TENT5D: variants seen among roughly 807,000 people sequenced by gnomAD.
The protein encoded by TENT5D is cancer/testis antigen 112.
For missense variants in TENT5D, 191 were observed against 287.0 expected (o/e 0.67, Z 2.42); for synonymous variants, 103 against 100.6 (o/e 1.02, Z -0.15).
chrX:80,392,381 CT>C (rs1313905777), intron 3 of TENT5D, among the ~76,000 whole-genome samples: 1 of 108,951 alleles, frequency 9.2e-6, no homozygotes, highest in Admixed American at 9.8e-5. Context: ...AAACGTTATG[CT>C]TTTCCACAAA....
chrX:80,344,451 C>A (rs1359336441), intron 3 of TENT5D, among the ~76,000 whole-genome samples: 3 of 110,407 alleles, frequency 2.7e-5, no homozygotes, highest in Non-Finnish European at 5.7e-5. Context: ...TCTGCAAACT[C>A]ACCAACATCT....
chrX:80,396,893 G>T (rs867346178), intron 3 of TENT5D, among the ~76,000 whole-genome samples: 4 of 75,561 alleles, frequency 5.3e-5, no homozygotes, highest in African/African-American at 9.6e-5. Flanking sequence ...GTGGCTGGCC[G>T]GGCGGGGGGC....
chrX:80,425,088 T>G (rs1931964770), intron 1 of TENT5D, among the ~76,000 whole-genome samples: 1 of 112,675 alleles, frequency 8.9e-6, no homozygotes, highest in South Asian at 3.6e-4. Flanking sequence ...GGGAAACACA[T>G]CCTTTTAGTT....
At chrX:80,404,036 G>A (rs1208271845) in intron 3 of TENT5D, among the ~76,000 whole-genome samples, 3 of 111,593 alleles carry the variant, frequency 2.7e-5, no homozygotes, top group Non-Finnish European at 5.6e-5. Flanking sequence ...AAATAGGTAA[G>A]AGACAGAAAG....
rs74777417 is a variant in TENT5D, at chrX:80,362,246, C to G, written c.-142+19682C>G. On this transcript the variant is annotated intron_variant, in intron 3 of 4. Transcript: ENST00000538312. ...TGGTGCCATCTCAGCCCACTCCAAG[C>G]TCCGCTTCCTGGGTTCACACCATTC... 0.011 allele frequency among the ~76,000 whole-genome samples: 1,195 copies of G among 111,058 alleles called. 30 individuals carry two copies. The East Asian group carries it at 0.13, about 12-fold the overall frequency.
chrX:80,355,323 C>T (rs1930261909), intron 3 of TENT5D, among the ~76,000 whole-genome samples: 1 of 111,820 alleles, frequency 8.9e-6, no homozygotes, highest in Non-Finnish European at 1.9e-5. Flanking sequence ...CAGGCAGAGG[C>T]TCTGGGAGAG....
intron 1 of TENT5D, among the ~76,000 whole-genome samples, chrX:80,437,362 A>G (rs763263942): frequency 4.5e-5 from 5 of 111,882 alleles, no homozygotes; most frequent in Non-Finnish European, 9.4e-5. Flanking sequence ...TGAATGAGTA[A>G]AATACCAATG....
intron 3 of TENT5D, among the ~76,000 whole-genome samples, chrX:80,396,681 A>T: frequency 9.4e-6 from 1 of 106,014 alleles, no homozygotes; most frequent in Non-Finnish European, 1.9e-5. Flanking sequence ...CTCTTTCTAC[A>T]CAGACACGGC....
At chrX:80,397,916 G>A (rs1032324816) in intron 3 of TENT5D, among the ~76,000 whole-genome samples, 11 of 111,483 alleles carry the variant, frequency 9.9e-5, no homozygotes, top group African/African-American at 2.6e-4. Context: ...GAGGGAGACC[G>A]TGGAAAGAGA....
chrX:80,344,533 T>A (rs1930024356), intron 3 of TENT5D, among the ~76,000 whole-genome samples: 2 of 110,752 alleles, frequency 1.8e-5, no homozygotes, highest in South Asian at 7.8e-4. Flanking sequence ...TGGTTTTGAT[T>A]TGCATTTCTC....
chrX:80,381,095 A>C (rs1930856475), intron 3 of TENT5D, among the ~76,000 whole-genome samples: 1 of 111,906 alleles, frequency 8.9e-6, no homozygotes, highest in South Asian at 3.7e-4. Flanking sequence ...AGTAGTTGGT[A>C]CCAGTTGTTC....
chrX:80,358,231 A>C (rs1022220300), intron 3 of TENT5D, among the ~76,000 whole-genome samples: 1 of 111,265 alleles, frequency 9.0e-6, no homozygotes, highest in African/African-American at 3.3e-5. Flanking sequence ...AACCTAGGCA[A>C]TACCATTCAG....
intron 3 of TENT5D, among the ~76,000 whole-genome samples, chrX:80,371,947 T>A (rs1327093149): frequency 4.5e-5 from 5 of 111,636 alleles, no homozygotes; most frequent in Non-Finnish European, 9.4e-5. Context: ...ATTGGCTATT[T>A]GGGGCAAGAG....
chrX:80,342,858 T>C (rs1251410992), intron 3 of TENT5D, among the ~76,000 whole-genome samples: 1 of 112,012 alleles, frequency 8.9e-6, no homozygotes, highest in African/African-American at 3.2e-5. Context: ...GCATATTCTC[T>C]ATTATATGAT....
intron 3 of TENT5D, among the ~76,000 whole-genome samples, chrX:80,409,322 G>T (rs1166673171): frequency 8.1e-5 from 9 of 110,597 alleles, no homozygotes; most frequent in South Asian, 3.9e-4. Flanking sequence ...CCTGTTTGCA[G>T]ACGACATGAT....
rs1371496322 is a variant in TENT5D, at chrX:80,397,334, C to T, written c.-141-41276C>T. Among the ~76,000 whole-genome samples, 15 of 106,494 alleles carry T rather than the reference C, an allele frequency of 1.4e-4. No homozygotes were observed. In the East Asian group the frequency reaches 2.1e-3, roughly 15 times the overall value. 92.5% of individuals were successfully genotyped at this position (106,494 alleles called of 115,157 possible). On this transcript the variant is annotated intron_variant, in intron 3 of 4. Coordinates refer to the TENT5D transcript ENST00000538312. ...CGCTCCCCACATCTCAGACGATGGGCGGCCGGGCAGAGATGCTCCTCACTT... is the reference window on the plus strand; with the variant it reads ...CGCTCCCCACATCTCAGACGATGGGTGGCCGGGCAGAGATGCTCCTCACTT...
At chrX:80,377,601 T>C (rs909866420) in intron 3 of TENT5D, among the ~76,000 whole-genome samples, 1 of 112,257 alleles carries the variant, frequency 8.9e-6, no homozygotes, top group African/African-American at 3.2e-5. Flanking sequence ...TTCCATGGTG[T>C]ATATGTGCCA....
At chrX:80,349,529 C>G (rs561387978) in intron 3 of TENT5D, among the ~76,000 whole-genome samples, 1 of 110,075 alleles carries the variant, frequency 9.1e-6, no homozygotes, top group Non-Finnish European at 1.9e-5. Flanking sequence ...TTTATTGTGT[C>G]TGTTTGATTC....
intron 1 of TENT5D, among the ~76,000 whole-genome samples, chrX:80,429,370 T>C (rs1298405460): frequency 9.0e-6 from 1 of 111,205 alleles, no homozygotes; most frequent in Non-Finnish European, 1.9e-5. Flanking sequence ...TGGCACAATC[T>C]CGGCTCATTG....
Sources: gnomAD v4.1 joint callset for allele counts (sites outside exome capture counted in the v4.1 genomes callset) on GRCh38, gnomAD v4.1.1 for gene constraint, MANE v1.5 for transcripts, NCBI Gene and HGNC (gene_info 2026-07-23, HGNC 2026-07-21) for gene names.